AMOTL1: variants seen among roughly 807,000 people sequenced by gnomAD.
AMOTL1 encodes angiomotin-like protein 1.
Under a neutral mutation model 102.9 loss-of-function variants are expected in AMOTL1, and 45 were observed. The observed-to-expected ratio is 0.44, with a 90% confidence interval of 0.34 to 0.56. The LOEUF (loss-of-function observed/expected upper bound fraction) is 0.56. AMOTL1 is among the 20% of genes least tolerant of loss of function. The pLI, the probability that AMOTL1 is intolerant of heterozygous loss-of-function variation, is 0.01. For synonymous variants in AMOTL1, 481 were observed against 484.7 expected, an observed-to-expected ratio of 0.99 and a Z score of 0.10; for missense variants, 1,114 against 1,225.6, an observed-to-expected ratio of 0.91 and a Z score of 1.36.
In AMOTL1 at chr11:94,871,210, T is replaced by A. The variant is rs1031817888; in HGVS notation, c.*415T>A. 1.3e-5 allele frequency: 2 copies of A among 154,530 alleles called. No homozygotes were observed. Among genetic ancestry groups the A allele is most frequent in the African/African-American group, 4.8e-5 (2 of 41,490 alleles). The allele number at this position is 154,530 out of a possible 1,614,324, so 9.6% of individuals were successfully genotyped here. A position where few individuals can be genotyped will look rare whatever the true frequency, so the allele number is the denominator to read the frequency against. Reference sequence around the variant, plus strand: ...TAGCATGTTTGATTTAAGAAAAGCCTCCAGGAAATCTTGAGAGCCTGTCTT... The same window carrying A: ...TAGCATGTTTGATTTAAGAAAAGCCACCAGGAAATCTTGAGAGCCTGTCTT... On this transcript the variant is annotated 3_prime_UTR_variant, in exon 13 of 13. Transcript: ENST00000433060.
intron 3 of AMOTL1, among the ~76,000 whole-genome samples, chr11:94,811,708 A>G (rs1388012325): frequency 6.6e-6 from 1 of 152,166 alleles, no homozygotes; most frequent in African/African-American, 2.4e-5. Context: ...CAACAACAAC[A>G]ACAAAACAGT....
At chr11:94,832,381 T>C (rs1374771119) in intron 6 of AMOTL1, among the ~76,000 whole-genome samples, 1 of 152,222 alleles carries the variant, frequency 6.6e-6, no homozygotes, top group Non-Finnish European at 1.5e-5. Context: ...GGTTCCTCAG[T>C]GCAGCCCTAC....
chr11:94,791,253 C>T (rs936139199), intron 1 of AMOTL1, among the ~76,000 whole-genome samples: 1 of 152,136 alleles, frequency 6.6e-6, no homozygotes, highest in African/African-American at 2.4e-5. Context: ...AAATGTTGTA[C>T]CCTTAAACTA....
chr11:94,750,728 C>T (rs1166390083), intron 3 of AMOTL1, among the ~76,000 whole-genome samples: 1 of 152,162 alleles, frequency 6.6e-6, no homozygotes, highest in Non-Finnish European at 1.5e-5. Flanking sequence ...GGATGATTGA[C>T]AGTGGAAAAT....
intron 9 of AMOTL1, among the ~76,000 whole-genome samples, chr11:94,861,289 C>A (rs1223772290): frequency 2.0e-5 from 3 of 152,070 alleles, no homozygotes; most frequent in Non-Finnish European, 4.4e-5. Context: ...CACAGGGAAG[C>A]CTTTTGAAAC....
At position 94,810,383 on chromosome 11, in the gene AMOTL1, G is replaced by A. The variant is rs373035885; in HGVS notation, c.1121+10072G>A. On this transcript the variant is annotated intron_variant, in intron 3 of 12. Coordinates refer to ENST00000433060, the MANE Select transcript of AMOTL1 (RefSeq NM_130847.3). ...CTAGTATGGGGCTAGACCACGTGAC[G>A]CTTTCATAGTGCACTTTTTTTCAAA... Among the ~76,000 whole-genome samples the A allele has an allele frequency of 1.9e-4, 28 of 151,340 alleles. No individual in the cohort carries two copies. In the East Asian group the frequency reaches 3.3e-3, roughly 18 times the overall value.
At chr11:94,863,270 G>T (rs955018736) in intron 9 of AMOTL1, among the ~76,000 whole-genome samples, 4 of 148,590 alleles carry the variant, frequency 2.7e-5, no homozygotes, top group Non-Finnish European at 5.9e-5. Context: ...TCTGTTTTGG[G>T]CTATTCTGTA....
intron 1 of AMOTL1, among the ~76,000 whole-genome samples, chr11:94,792,255 G>A (rs1307303477): frequency 1.3e-5 from 2 of 152,170 alleles, no homozygotes; most frequent in Non-Finnish European, 2.9e-5. Context: ...TCACTCATAG[G>A]TGGGAATTGA....
In AMOTL1 at chr11:94,870,567, A is replaced by G. The variant is rs1952977199; in HGVS notation, c.2765-122A>G. On this transcript the variant is annotated intron_variant, in intron 12 of 12. Coordinates refer to ENST00000433060, the MANE Select transcript of AMOTL1 (RefSeq NM_130847.3). ...CCCACTGTGGGCTGGATCATCTCAC[A>G]TGCCCTGTGGTGAGAATCCTGGGTG... is the stretch of plus-strand genomic sequence containing the variant. 3.1e-6 allele frequency: 2 copies of G among 646,910 alleles called. 1 individual carries two copies. Among genetic ancestry groups the G allele is most frequent in the South Asian group, 4.3e-5 (2 of 47,034 alleles). The allele number at this position is 646,910 out of a possible 1,614,324, so 40.1% of individuals were successfully genotyped here. A position where few individuals can be genotyped will look rare whatever the true frequency, so the allele number is the denominator to read the frequency against.
In AMOTL1 at chr11:94,776,246, T is replaced by C. The variant is rs530074157; in HGVS notation, c.49+7686T>C. 5.3e-4 allele frequency among the ~76,000 whole-genome samples: 81 copies of C among 152,346 alleles called. No homozygotes were observed. In the Middle Eastern group the frequency reaches 0.01, roughly 19 times the overall value. On this transcript the variant is annotated intron_variant, in intron 1 of 12. Transcript: ENST00000433060. Reference sequence around the variant, plus strand: ...CCTATTGTCTCCTTTGAAAGTGTTCTGTAAACTGTAATAAGGTTCATCTCC... The same window carrying C: ...CCTATTGTCTCCTTTGAAAGTGTTCCGTAAACTGTAATAAGGTTCATCTCC...
Position 94,799,467 on chromosome 11 carries a change from G to C in AMOTL1, c.277G>C (p.Ala93Pro). ...GGTGGAAATGAGAGGTTCCGAGGATGCGGCAGCTGGAACAGTATTGCAGCG... is the reference window on the plus strand; with the variant it reads ...GGTGGAAATGAGAGGTTCCGAGGATCCGGCAGCTGGAACAGTATTGCAGCG... ...SEVEMRGSED[A>P]AAGTVLQRLI... Residue 93 changes from alanine to proline, a missense_variant, in exon 3 of 13, where the codon GCG (alanine) becomes CCG (proline). Physicochemically the swap from Ala to Pro is conservative, Grantham distance 27. Transcript: ENST00000433060. The surrounding 1 kb of genome is among the most constrained non-coding windows in gnomAD (Gnocchi z 4.5). 1 of 1,609,736 alleles carries C rather than the reference G, an allele frequency of 6.2e-7. No individual in the cohort carries two copies. Among genetic ancestry groups the C allele is most frequent in the Non-Finnish European group, 8.5e-7 (1 of 1,178,000 alleles).
intron 1 of AMOTL1, among the ~76,000 whole-genome samples, chr11:94,790,766 A>G (rs1951270635): frequency 6.6e-6 from 1 of 152,178 alleles, no homozygotes; most frequent in African/African-American, 2.4e-5. Context: ...GCGGAATGAC[A>G]GTTTCACGTC....
At chr11:94,723,685 C>T in intron 1 of AMOTL1, among the ~76,000 whole-genome samples, 1 of 152,072 alleles carries the variant, frequency 6.6e-6, no homozygotes, top group East Asian at 1.9e-4. Context: ...TATCTCAACT[C>T]TCTAAACATC....
At chr11:94,707,072 GA>G (rs1387589753) in intron 1 of AMOTL1, among the ~76,000 whole-genome samples, 1 of 151,878 alleles carries the variant, frequency 6.6e-6, no homozygotes, top group African/African-American at 2.4e-5. Flanking sequence ...AGTGTAGCAG[GA>G]AAAAAAGGGG....
intron 1 of AMOTL1, among the ~76,000 whole-genome samples, chr11:94,715,955 A>G (rs991922271): frequency 6.6e-6 from 1 of 152,106 alleles, no homozygotes; most frequent in African/African-American, 2.4e-5. Flanking sequence ...TTTCAGCAAC[A>G]CAGTATATTT....
At chr11:94,768,231 C>A (rs986264276), upstream of AMOTL1, 19 of 1,159,286 alleles carry the variant, frequency 1.6e-5, no homozygotes, top group Non-Finnish European at 1.8e-5. Context: ...CGGGTGTCTG[C>A]AGACGGGCTC....
intron 3 of AMOTL1, among the ~76,000 whole-genome samples, chr11:94,742,871 A>G (rs951948791): frequency 2.6e-5 from 4 of 152,150 alleles, no homozygotes; most frequent in African/African-American, 9.7e-5. Flanking sequence ...CATGGCAGAA[A>G]AGGGCCAGGG....
intron 6 of AMOTL1, among the ~76,000 whole-genome samples, chr11:94,838,706 C>T (rs148608377): frequency 2.0e-5 from 3 of 152,326 alleles, no homozygotes; most frequent in African/African-American, 7.2e-5. Flanking sequence ...TTCCCTAGAT[C>T]TTACTTTGTA....
rs1397107168 is a variant in AMOTL1, at chr11:94,857,572, A to G, written c.1945-1953A>G. On this transcript the variant is annotated intron_variant, in intron 8 of 12. Transcript: ENST00000433060. ...GAGGGAAGTGAAAGAGAAAAAAGATAAAAGAGAGAGGGGAATTTGCATTTT... is the reference window on the plus strand; with the variant it reads ...GAGGGAAGTGAAAGAGAAAAAAGATGAAAGAGAGAGGGGAATTTGCATTTT... Among the ~76,000 whole-genome samples, 3 of 149,908 alleles carry G rather than the reference A, an allele frequency of 2.0e-5. No individual in the cohort carries two copies. The East Asian group carries it at 5.8e-4, about 29-fold the overall frequency.
Sources: allele counts gnomAD v4.1 joint callset (sites outside exome capture counted in the v4.1 genomes callset), GRCh38; gene constraint gnomAD v4.1.1; non-coding constraint Gnocchi (gnomAD v3.1); transcripts MANE v1.5; gene names NCBI Gene and HGNC (gene_info 2026-07-23, HGNC 2026-07-21).